The following PEX2 variants were observed in gnomAD, a reference collection of about 807,000 sequenced individuals.
The protein encoded by PEX2 is peroxisomal biogenesis factor 2, also known as peroxisome biogenesis factor 2.
Under a neutral mutation model 25.2 loss-of-function variants are expected in PEX2, and 19 were observed. The observed-to-expected ratio is 0.75, with a 90% CI of 0.53 to 1.10. The LOEUF (loss-of-function observed/expected upper bound fraction) is 1.10, where lower values mean the gene tolerates loss of function less well. Ranked by LOEUF, PEX2 falls within the 50% of genes least tolerant of loss-of-function variation. The pLI is 0.00. For missense variants in PEX2, 347 were observed against 350.6 expected (o/e 0.99, Z 0.08); for synonymous variants, 141 against 127.7 (o/e 1.10, Z -0.70).
At chr8:76,989,695 T>G (rs1179187496) in intron 1 of PEX2, among the ~76,000 whole-genome samples, 2 of 152,232 alleles carry the variant, frequency 1.3e-5, no homozygotes, top group Non-Finnish European at 2.9e-5. Flanking sequence ...GAAATAATTT[T>G]TTTTGAACAA....
intron 1 of PEX2, among the ~76,000 whole-genome samples, chr8:76,995,927 A>AC (rs1807313636): frequency 2.0e-5 from 3 of 147,010 alleles, no homozygotes; most frequent in Non-Finnish European, 4.5e-5. Flanking sequence ...AAAGAAACAA[A>AC]AAAAAGCAAC....
At position 76,983,903 on chromosome 8, in the gene PEX2, G is replaced by A. The variant is rs760877998; in HGVS notation, c.276C>T (p.Asn92=). ...NIKYKNDFSP[N]LRYQPPSKNQ... is the part of the protein sequence containing the mutation. ...TTTTACTGGGTGGCTGATATCTCAGGTTAGGGGAAAAATCATTTTTGTACT... is the reference window on the plus strand; with the variant it reads ...TTTTACTGGGTGGCTGATATCTCAGATTAGGGGAAAAATCATTTTTGTACT... Residue 92 remains asparagine (N), a synonymous_variant, in exon 4 of 4, where the codon AAC becomes AAT. Coordinates refer to ENST00000357039, the MANE Select transcript of PEX2 (RefSeq NM_000318.3). 1.2e-6 allele frequency: 2 copies of A among 1,613,952 alleles called. No homozygotes were observed. Among genetic ancestry groups the A allele is most frequent in the African/African-American group, 1.3e-5 (1 of 74,908 alleles).
Position 76,981,188 on chromosome 8 carries a change from T to C in PEX2, c.*2073A>G, listed in dbSNP as rs952430618. On this transcript the variant is annotated 3_prime_UTR_variant, in exon 4 of 4. Coordinates refer to ENST00000357039, the MANE Select transcript of PEX2 (RefSeq NM_000318.3). ...TACATAGCATTTTAAAAATATATTATGGCTGGGTGCAGTGGCTCATGCCTG... is the reference window on the plus strand; with the variant it reads ...TACATAGCATTTTAAAAATATATTACGGCTGGGTGCAGTGGCTCATGCCTG... 3.9e-5 allele frequency: 6 copies of C among 152,258 alleles called. No homozygotes were observed. Among genetic ancestry groups the C allele is most frequent in the East Asian group, 1.9e-4 (1 of 5,200 alleles). 9.4% of individuals were successfully genotyped at this position (152,258 alleles called of 1,614,324 possible).
upstream of PEX2, chr8:77,000,103 C>G (rs367767138): frequency 8.0e-6 from 3 of 376,394 alleles, no homozygotes; most frequent in Middle Eastern, 8.3e-4. Context: ...AACTCGCAGG[C>G]TTCCGGAGCG....
At chr8:76,994,750 T>G (rs542936093) in intron 1 of PEX2, among the ~76,000 whole-genome samples, 7 of 152,336 alleles carry the variant, frequency 4.6e-5, no homozygotes, top group Admixed American at 6.5e-5. Flanking sequence ...AATGAAAATG[T>G]CACTGCCACA....
intron 2 of PEX2, chr8:76,986,585 GC>G (rs1220426654): frequency 2.6e-5 from 4 of 152,212 alleles, no homozygotes; most frequent in Non-Finnish European, 4.4e-5. Flanking sequence ...CCTTCCTTAC[GC>G]ATCACATCCA....
chr8:76,995,005 GACA>G, intron 1 of PEX2, among the ~76,000 whole-genome samples: 1 of 152,202 alleles, frequency 6.6e-6, no homozygotes, highest in East Asian at 1.9e-4. Context: ...GATTTAACTG[GACA>G]CTGATTCCCA....
At chr8:76,987,802 G>A (rs906573316) in intron 2 of PEX2, 17 of 152,152 alleles carry the variant, frequency 1.1e-4, no homozygotes, top group African/African-American at 4.1e-4. Context: ...TTAAGTAATT[G>A]AGTGATAGTG....
chr8:76,981,776 TTGG>T lies in PEX2; in HGVS notation c.*1482_*1484del, dbSNP rs1425944860. On this transcript the variant is annotated 3_prime_UTR_variant, in exon 4 of 4. Coordinates refer to ENST00000357039, the MANE Select transcript of PEX2 (RefSeq NM_000318.3). ...TGATTTTATATTTTTTCCTGAATTG[TTGG>T]TGTTTTCTACAATAATGTTTTAAAA... 5 of 152,198 alleles carry T rather than the reference TTGG, an allele frequency of 3.3e-5. No individual in the cohort carries two copies. The highest frequency in any genetic ancestry group is 1.2e-4 in the African/African-American group (5 of 41,460). 9.4% of individuals were successfully genotyped at this position (152,198 alleles called of 1,614,324 possible).
At position 76,983,398 on chromosome 8, in the gene PEX2, G is replaced by C; in HGVS notation, c.781C>G (p.His261Asp). 2 of 1,613,972 alleles carry C rather than the reference G, an allele frequency of 1.2e-6. No individual in the cohort carries two copies. Among genetic ancestry groups the C allele is most frequent in the Non-Finnish European group, 1.7e-6 (2 of 1,179,950 alleles). ...TTAGCACAGAAATAACAGAAAATAT[G>C]CTCACATCCTATGGTGTGAGGCATG... ...PTMPHTIGCE[H>D]IFCYFCAKSS... The change falls in exon 4 of 4, where the codon CAT (histidine) becomes GAT (aspartate). Residue 261 changes from histidine (H) to aspartate (D), a missense_variant. By Grantham distance (81) the His-to-Asp change is moderately conservative. Transcript: ENST00000357039.
At position 76,983,676 on chromosome 8, in the gene PEX2, T is replaced by C. The variant is rs1281152406; in HGVS notation, c.503A>G (p.Glu168Gly). The C allele has an allele frequency of 6.2e-7, 1 of 1,614,032 alleles. No individual in the cohort carries two copies. The highest frequency in any genetic ancestry group is 8.5e-7 in the Non-Finnish European group (1 of 1,180,032). The change falls in exon 4 of 4, where the codon GAA (glutamate) becomes GGA (glycine). Residue 168 changes from glutamate (E) to glycine (G), a missense_variant. By Grantham distance (98) the Glu-to-Gly change is moderately conservative. Coordinates refer to ENST00000357039, the MANE Select transcript of PEX2 (RefSeq NM_000318.3). ...TACAGAATGAATACCTAGGAGACGT[T>C]CTGTCAAAGTTGCAAACTTTCCCCT... ...LQRGKFATLTERLLGIHSVFC... is the reference protein window; with the variant it reads ...LQRGKFATLTGRLLGIHSVFC...
At chr8:76,990,817 A>G (rs138344941) in intron 1 of PEX2, among the ~76,000 whole-genome samples, 19 of 152,362 alleles carry the variant, frequency 1.2e-4, no homozygotes, top group Middle Eastern at 3.4e-3. Flanking sequence ...ATAATAAAAA[A>G]AAGTCTGAAA....
At chr8:76,995,139 C>G (rs566756457) in intron 1 of PEX2, among the ~76,000 whole-genome samples, 92 of 152,334 alleles carry the variant, frequency 6.0e-4, no homozygotes, top group African/African-American at 2.2e-3. Context: ...GCTTCTGTCA[C>G]AGACTTGCTA....
In PEX2 at chr8:76,983,224, G is replaced by A. The variant is rs886063140; in HGVS notation, c.*37C>T. On this transcript the variant is annotated 3_prime_UTR_variant, in exon 4 of 4. Transcript: ENST00000357039. ...TGACTAATATTAAGAATTTAAACAC[G>A]GTGCATTTTTTTCCTCAAAGGAAGC... 1.9e-5 allele frequency: 31 copies of A among 1,604,604 alleles called. No homozygotes were observed. Among genetic ancestry groups the A allele is most frequent in the Middle Eastern group, 1.6e-4 (1 of 6,066 alleles).
intron 1 of PEX2, among the ~76,000 whole-genome samples, chr8:76,994,597 A>G (rs1807267142): frequency 6.6e-6 from 1 of 150,824 alleles, no homozygotes; most frequent in Admixed American, 6.6e-5. Context: ...ACTGTCTACA[A>G]AATTCTGCAT....
intron 2 of PEX2, among the ~76,000 whole-genome samples, chr8:76,987,675 A>C (rs1000142981): frequency 2.0e-5 from 3 of 152,188 alleles, no homozygotes; most frequent in African/African-American, 7.2e-5. Context: ...TGAGAAACTA[A>C]TGATGGCCTA....
At chr8:76,999,228 A>C (rs1586080914) in intron 1 of PEX2, among the ~76,000 whole-genome samples, 1 of 152,304 alleles carries the variant, frequency 6.6e-6, no homozygotes, top group East Asian at 1.9e-4. Context: ...CGAAACGTCA[A>C]GATAAAATAT....
chr8:76,983,815 C>T lies in PEX2; in HGVS notation c.364G>A (p.Asp122Asn). Residue 122 changes from aspartate (D) to asparagine (N), a missense_variant, in exon 4 of 4, where the codon GAT becomes AAT. By Grantham distance (23) the Asp-to-Asn change is conservative. Transcript: ENST00000357039. ...GGRWLEERCY[D>N]LFRNHHLASF... ...GCTAAATGATGGTTTCGAAACAAAT[C>T]ATAGCATCGTTCTTCTAACCACCTG... is the stretch of plus-strand genomic sequence containing the variant. The T allele has an allele frequency of 6.2e-7, 1 of 1,614,148 alleles. No homozygotes were observed. Among genetic ancestry groups the T allele is most frequent in the Non-Finnish European group, 8.5e-7 (1 of 1,180,018 alleles).
Position 76,983,240 on chromosome 8 carries a change from CAAAG to C in PEX2, c.*17_*20del. 1 of 1,608,146 alleles carries C rather than the reference CAAAG, an allele frequency of 6.2e-7. No individual in the cohort carries two copies. Among genetic ancestry groups the C allele is most frequent in the Non-Finnish European group, 8.5e-7 (1 of 1,179,762 alleles). On this transcript the variant is annotated 3_prime_UTR_variant, in exon 4 of 4. Transcript: ENST00000357039. The stretch of plus-strand genomic sequence containing the variant: ...TTTAAACACGGTGCATTTTTTTCCT[CAAAG>C]GAAGCAATTTTAGTTTCTAAAGAGC...
Sources: allele counts gnomAD v4.1 joint callset (sites outside exome capture counted in the v4.1 genomes callset), GRCh38; gene constraint gnomAD v4.1.1; transcripts MANE v1.5; gene names NCBI Gene and HGNC (gene_info 2026-07-23, HGNC 2026-07-21).